The following IDUA variants were observed in gnomAD, a reference collection of about 807,000 sequenced individuals.
IDUA encodes alpha-L-iduronidase, also known as iduronidase alpha-L-.
In IDUA, 65 loss-of-function variants were observed where a neutral mutation model predicts 68.9. The ratio of observed to expected loss-of-function variants is 0.94; its 90% CI spans 0.77 to 1.16. The LOEUF (loss-of-function observed/expected upper bound fraction) is 1.16. Among genes scored for constraint, IDUA ranks in the 50% most tolerant of loss-of-function variants. IDUA has a pLI of 0.00. For synonymous variants in IDUA, 529 were observed against 433.6 expected (o/e 1.22, Z -2.73); for missense variants, 1,046 against 938.0 (o/e 1.12, Z -1.50).
intron 2 of IDUA, among the ~76,000 whole-genome samples, chr4:996,953 G>A (rs1714775009): frequency 6.6e-6 from 1 of 151,014 alleles, no homozygotes. Context: ...GGACCTGCCT[G>A]AATCCGCCTC....
At chr4:998,783 A>G (rs1332713655) in intron 2 of IDUA, among the ~76,000 whole-genome samples, 4 of 120,790 alleles carry the variant, frequency 3.3e-5, no homozygotes, top group African/African-American at 6.6e-5. Flanking sequence ...CGACCCCCCG[A>G]CCCCCCACCT....
intron 8 of IDUA, 93 bp from the exon 9 acceptor site, chr4:1,002,639 G>A (rs912874604): frequency 5.1e-6 from 6 of 1,187,414 alleles, no homozygotes; most frequent in African/African-American, 3.2e-5. Context: ...CTTCACCAAG[G>A]GGAGGGGGAG....
Position 989,074 on chromosome 4 carries a change from AG to A in IDUA, c.299+1127del, listed in dbSNP as rs1553915173. The stretch of plus-strand genomic sequence containing the variant: ...CAGCGTGCTCACACCGGCTGCGTCT[AG>A]GAACAGCAGCGGGGCGCAGTCGATG... On this transcript the variant is annotated intron_variant, in intron 2 of 13. Coordinates refer to ENST00000514224, the MANE Select transcript of IDUA (RefSeq NM_000203.5). The A allele has an allele frequency of 1.9e-6, 3 of 1,593,208 alleles. No homozygotes were observed. Among genetic ancestry groups the A allele is most frequent in the Non-Finnish European group, 2.6e-6 (3 of 1,170,364 alleles).
chr4:990,501 C>T, intron 2 of IDUA: 1 of 816,324 alleles, frequency 1.2e-6, no homozygotes, highest in Non-Finnish European at 1.9e-6. Flanking sequence ...GTGTTCCAAA[C>T]CAGACTCCTC....
At chr4:1,000,558 G>C (rs1715009156) in intron 2 of IDUA, 54 bp from the exon 3 acceptor site, 1 of 1,377,410 alleles carries the variant, frequency 7.3e-7, no homozygotes, top group African/African-American at 1.4e-5. Flanking sequence ...TTCCAGCCTG[G>C]AGCATGGAGC....
chr4:989,619 G>T, intron 2 of IDUA: 1 of 1,601,532 alleles, frequency 6.2e-7, no homozygotes, highest in South Asian at 1.1e-5. Context: ...AGGCCAGCAC[G>T]CTTCGCTGTA....
At position 1,002,816 on chromosome 4, in the gene IDUA, A is replaced by ACCGCCCC. The variant is rs1445719596; in HGVS notation, c.1276_1282dup (p.Gln428ProfsTer83). Reference sequence around the variant, plus strand: ...ACGGTGGGCGTCCTGGCCAGCGCCCACCGCCCCCAGGGCCCGGCCGACGCC... The same window carrying ACCGCCCC: ...ACGGTGGGCGTCCTGGCCAGCGCCCACCGCCCCCCGCCCCCAGGGCCCGGCCGACGCC... On this transcript the variant is annotated frameshift_variant, in exon 9 of 14. Transcript: ENST00000514224. LOFTEE classifies it high-confidence loss of function. 10 of 1,453,126 alleles carry ACCGCCCC rather than the reference A, an allele frequency of 6.9e-6. No homozygotes were observed. The highest frequency in any genetic ancestry group is 9.0e-6 in the Non-Finnish European group (10 of 1,108,488). The allele number at this position is 1,453,126 out of a possible 1,614,324, so 90.0% of individuals were successfully genotyped here. A position where few individuals can be genotyped will look rare whatever the true frequency, so the allele number is the denominator to read the frequency against.
rs1560548356 is a variant in IDUA, at chr4:1,002,468, G to GGCTGCTGGC, written c.1181_1189dup (p.Ala394_Leu396dup). On this transcript the variant is annotated inframe_insertion, in exon 8 of 14. Coordinates refer to ENST00000514224, the MANE Select transcript of IDUA (RefSeq NM_000203.5). Reference sequence around the variant, plus strand: ...CGCAAGCCGGTGCTCACGGCCATGGGGCTGCTGGCGCTGCTGGGTGAGCCG... The same window carrying GGCTGCTGGC: ...CGCAAGCCGGTGCTCACGGCCATGGGGCTGCTGGCGCTGCTGGCGCTGCTGGGTGAGCCG... The GGCTGCTGGC allele has an allele frequency of 1.3e-6, 2 of 1,546,516 alleles. No individual in the cohort carries two copies. Among genetic ancestry groups the GGCTGCTGGC allele is most frequent in the South Asian group, 2.4e-5 (2 of 83,878 alleles).
intron 2 of IDUA, chr4:988,623 G>C: frequency 1.5e-6 from 2 of 1,379,226 alleles, no homozygotes; most frequent in Non-Finnish European, 1.9e-6. Flanking sequence ...CTCGGAGGCA[G>C]AGGTTCTTGA....
chr4:1,003,730 G>C (rs986867977), intron 12 of IDUA, 105 bp downstream of exon 12: 1 of 1,305,882 alleles, frequency 7.7e-7, no homozygotes, highest in South Asian at 1.2e-5. Flanking sequence ...GTGGCCCATC[G>C]GCTCCCTCCC....
Position 1,004,285 on chromosome 4 carries a change from C to CCGAGTT in IDUA, c.1859_1864dup (p.Val620_Arg621dup). The CCGAGTT allele has an allele frequency of 6.2e-7, 1 of 1,610,726 alleles. No homozygotes were observed. The highest frequency in any genetic ancestry group is 8.5e-7 in the Non-Finnish European group (1 of 1,179,974). The stretch of plus-strand genomic sequence containing the variant: ...ACACAGGTGCTGTCTCTGGCTCCTA[C>CCGAGTT]CGAGTTCGAGCCCTGGACTACTGGG... On this transcript the variant is annotated inframe_insertion, in exon 14 of 14. Transcript: ENST00000514224. The surrounding 1 kb of genome is among the most constrained non-coding windows in gnomAD (Gnocchi z 5.0).
At position 1,004,446 on chromosome 4, in the gene IDUA, G is replaced by A. The variant is rs891424357; in HGVS notation, c.*53G>A. 6 of 1,593,510 alleles carry A rather than the reference G, an allele frequency of 3.8e-6. No homozygotes were observed. The Admixed American group carries it at 1.0e-4, about 27-fold the overall frequency. ...CCTCCACCGGCAGTCAGCGAGCTGG[G>A]GCTGCACTGTGCCCATGCTGCCCTC... On this transcript the variant is annotated 3_prime_UTR_variant, in exon 14 of 14. Transcript: ENST00000514224. The surrounding 1 kb of genome is among the most constrained non-coding windows in gnomAD (Gnocchi z 5.0).
intron 2 of IDUA, chr4:989,822 C>T: frequency 6.3e-7 from 1 of 1,580,224 alleles, no homozygotes; most frequent in Non-Finnish European, 8.6e-7. Flanking sequence ...TCCTGGTTGG[C>T]ACGCACAGAG....
At chr4:987,330 C>G in intron 1 of IDUA, 88 bp downstream of exon 1, 3 of 1,254,496 alleles carry the variant, frequency 2.4e-6, no homozygotes, top group Non-Finnish European at 3.3e-6. Context: ...GCTTCAGAGA[C>G]CGGAGCTCCC....
chr4:1,002,719 CCCCG>C lies in IDUA; in HGVS notation c.1190-9_1190-6del. The C allele has an allele frequency of 6.9e-7, 1 of 1,452,088 alleles. No individual in the cohort carries two copies. Among genetic ancestry groups the C allele is most frequent in the Non-Finnish European group, 9.1e-7 (1 of 1,094,406 alleles). 90.0% of individuals were successfully genotyped at this position (1,452,088 alleles called of 1,614,324 possible). The stretch of plus-strand genomic sequence containing the variant: ...ACGACCCCACGCGGCGACGGCCCCC[CCCCG>C]CCCCGCAGATGAGGAGCAGCTCTGG... On this transcript the variant is annotated splice_polypyrimidine_tract_variant and intron_variant, in intron 8 of 13. Transcript: ENST00000514224.
Position 1,003,654 on chromosome 4 carries a change from G to A in IDUA, c.1727+29G>A, listed in dbSNP as rs529848329. 28 of 1,610,766 alleles carry A rather than the reference G, an allele frequency of 1.7e-5. No individual in the cohort carries two copies. In the South Asian group the frequency reaches 3.0e-4, roughly 17 times the overall value. Reference sequence around the variant, plus strand: ...CGTGAGTGGGGCCGCCCCTCCCTCTGCCTGGTCCTAGGCAGGTCCCTGGGT... The same window carrying A: ...CGTGAGTGGGGCCGCCCCTCCCTCTACCTGGTCCTAGGCAGGTCCCTGGGT... On this transcript the variant is annotated intron_variant, in intron 12 of 13. Coordinates refer to ENST00000514224, the MANE Select transcript of IDUA (RefSeq NM_000203.5).
In IDUA at chr4:987,866, C is replaced by T; in HGVS notation, c.216C>T (p.Leu72=). Residue 72 remains leucine (L), a synonymous_variant, in exon 2 of 14, where the codon CTC becomes CTT. Transcript: ENST00000514224. ...DQYVLSWDQQ[L]NLAYVGAVPH... ...ACGTCCTCAGCTGGGACCAGCAGCTCAACCTCGCCTATGTGGGCGCCGTCC... is the reference window on the plus strand; with the variant it reads ...ACGTCCTCAGCTGGGACCAGCAGCTTAACCTCGCCTATGTGGGCGCCGTCC... 6.2e-7 allele frequency: 1 copy of T among 1,612,386 alleles called. No homozygotes were observed. The highest frequency in any genetic ancestry group is 8.5e-7 in the Non-Finnish European group (1 of 1,179,800).
chr4:989,526 C>G (rs775844133), intron 2 of IDUA: 7 of 1,554,698 alleles, frequency 4.5e-6, no homozygotes, highest in Non-Finnish European at 5.2e-6. Context: ...CCCAGACCAG[C>G]GCGTCAGCCG....
At chr4:999,911 GCCC>G (rs916551498) in intron 2 of IDUA, 2 of 123,386 alleles carry the variant, frequency 1.6e-5, no homozygotes, top group Non-Finnish European at 3.4e-5. Context: ...TGGCAGGGCG[GCCC>G]CCTTCTCCCT....
Sources: allele counts gnomAD v4.1 joint callset (sites outside exome capture counted in the v4.1 genomes callset), GRCh38; gene constraint gnomAD v4.1.1; non-coding constraint Gnocchi (gnomAD v3.1); transcripts MANE v1.5; gene names NCBI Gene and HGNC (gene_info 2026-07-23, HGNC 2026-07-21).